CAV1: variants seen among roughly 807,000 people sequenced by gnomAD.
CAV1 encodes the protein caveolin-1.
CAV1 carries 10 observed loss-of-function variants against 16.5 expected under a neutral mutation model. That is an observed-to-expected ratio of 0.61 (90% CI 0.37 to 1.03). CAV1 has a LOEUF of 1.03. Ranked by LOEUF, CAV1 falls within the 50% of genes least tolerant of loss-of-function variation. The probability of loss-of-function intolerance (pLI) is 0.01; values close to 1 mark genes in which losing one functional copy is unlikely to be tolerated. For missense variants in CAV1, 212 were observed against 232.8 expected (o/e 0.91, Z 0.58); for synonymous variants, 76 against 85.1 (o/e 0.89, Z 0.59).
chr7:116,544,477 A>C (rs976739), intron 2 of CAV1, among the ~76,000 whole-genome samples: 125,479 of 152,054 alleles, frequency 0.83, 51,938 homozygotes, highest in East Asian at 0.95. Context: ...CACACACACT[A>C]CATTAAATAA....
intron 2 of CAV1, among the ~76,000 whole-genome samples, chr7:116,532,966 A>C (rs1171942546): frequency 6.6e-6 from 1 of 152,198 alleles, no homozygotes; most frequent in Non-Finnish European, 1.5e-5. Context: ...TATTAGGCCC[A>C]TAGGTTTATC....
chr7:116,532,750 A>T (rs1793710787), intron 2 of CAV1, among the ~76,000 whole-genome samples: 2 of 152,260 alleles, frequency 1.3e-5, no homozygotes, highest in South Asian at 4.1e-4. Flanking sequence ...CAACTTTTGT[A>T]ACTGTCTTCT....
In CAV1 at chr7:116,559,853, T is replaced by A. The variant is rs190869026; in HGVS notation, c.*566T>A. The A allele has an allele frequency of 7.5e-6, 3 of 401,590 alleles. No homozygotes were observed. The Admixed American group carries it at 1.3e-4, about 17-fold the overall frequency. The allele number at this position is 401,590 out of a possible 1,614,324, so 24.9% of individuals were successfully genotyped here. ...GAAAACATAATCTTCTGCCTTCTCATGATCCAACTAATGCCTTACTCTTCT... is the reference window on the plus strand; with the variant it reads ...GAAAACATAATCTTCTGCCTTCTCAAGATCCAACTAATGCCTTACTCTTCT... On this transcript the variant is annotated 3_prime_UTR_variant, in exon 3 of 3. Transcript: ENST00000341049.
At chr7:116,537,968 C>T (rs749797096) in intron 2 of CAV1, among the ~76,000 whole-genome samples, 18 of 152,262 alleles carry the variant, frequency 1.2e-4, no homozygotes, top group Admixed American at 2.6e-4. Flanking sequence ...AAGGTAGAAT[C>T]GCTTAAGTCT....
At chr7:116,544,028 T>C (rs1006350220) in intron 2 of CAV1, among the ~76,000 whole-genome samples, 12 of 152,174 alleles carry the variant, frequency 7.9e-5, no homozygotes, top group Non-Finnish European at 1.6e-4. Flanking sequence ...AGCCATATGA[T>C]TCTGAAGGTA....
At chr7:116,525,153 G>T in intron 1 of CAV1, 61 bp downstream of exon 1, 1 of 1,614,112 alleles carries the variant, frequency 6.2e-7, no homozygotes, top group Non-Finnish European at 8.5e-7. Flanking sequence ...TCTGCTATCT[G>T]CCTCTCCAAA....
chr7:116,529,331 T>C (rs1406284101), intron 2 of CAV1, among the ~76,000 whole-genome samples: 1 of 152,202 alleles, frequency 6.6e-6, no homozygotes, highest in African/African-American at 2.4e-5. Flanking sequence ...TAAAAGCTGC[T>C]CTGTCCAATA....
chr7:116,534,569 T>A (rs1793769109), intron 2 of CAV1, among the ~76,000 whole-genome samples: 1 of 149,644 alleles, frequency 6.7e-6, no homozygotes. Flanking sequence ...CTGGCTAATT[T>A]TTTCTATTTT....
chr7:116,531,798 A>G (rs1793691309), intron 2 of CAV1, among the ~76,000 whole-genome samples: 1 of 152,068 alleles, frequency 6.6e-6, no homozygotes, highest in Non-Finnish European at 1.5e-5. Context: ...TGTTTAGGAG[A>G]TAGCTTCACA....
intron 2 of CAV1, among the ~76,000 whole-genome samples, chr7:116,527,248 T>C (rs563422848): frequency 6.6e-6 from 1 of 152,364 alleles, no homozygotes; most frequent in Non-Finnish European, 1.5e-5. Flanking sequence ...TACTTATTCA[T>C]ATACATATGA....
chr7:116,529,533 T>C (rs977674364), intron 2 of CAV1, among the ~76,000 whole-genome samples: 1 of 152,178 alleles, frequency 6.6e-6, no homozygotes, highest in African/African-American at 2.4e-5. Flanking sequence ...GGGTGTTCTC[T>C]GCATTGTAAA....
chr7:116,526,786 A>G (rs895891998), intron 2 of CAV1, 97 bp downstream of exon 2: 53 of 1,329,048 alleles, frequency 4.0e-5, no homozygotes, highest in Middle Eastern at 3.7e-4. Context: ...CGCACACCCC[A>G]CCCCGCCCCC....
chr7:116,542,234 A>G (rs1793955679), intron 2 of CAV1, among the ~76,000 whole-genome samples: 1 of 152,182 alleles, frequency 6.6e-6, no homozygotes, highest in South Asian at 2.1e-4. Flanking sequence ...CCCTATTGTG[A>G]TAGAAACTCA....
At chr7:116,526,414 T>A in intron 1 of CAV1, 111 bp from the exon 2 acceptor site, 1 of 1,569,900 alleles carries the variant, frequency 6.4e-7, no homozygotes, top group South Asian at 1.2e-5. Context: ...AGCTCGAGGT[T>A]TCCCCCGCCG....
chr7:116,525,190 C>T (rs777262956), intron 1 of CAV1, 98 bp downstream of exon 1: 3 of 1,611,888 alleles, frequency 1.9e-6, no homozygotes, highest in Non-Finnish European at 2.5e-6. Flanking sequence ...CTGGCCCCAG[C>T]CCTCTCTCCA....
At chr7:116,554,693 C>T (rs1396979467) in intron 2 of CAV1, among the ~76,000 whole-genome samples, 6 of 152,094 alleles carry the variant, frequency 3.9e-5, no homozygotes, top group Non-Finnish European at 8.8e-5. Context: ...CATAAAAATG[C>T]AATCAGTACC....
intron 2 of CAV1, among the ~76,000 whole-genome samples, chr7:116,552,196 C>A (rs377010766): frequency 6.6e-6 from 1 of 152,118 alleles, no homozygotes; most frequent in Non-Finnish European, 1.5e-5. Flanking sequence ...TGCTGTCTAT[C>A]GCATCTAAGT....
intron 2 of CAV1, among the ~76,000 whole-genome samples, chr7:116,530,287 C>T (rs1357697667): frequency 7.1e-6 from 1 of 140,264 alleles, no homozygotes. Context: ...ATTCATGTTC[C>T]CACATATGGT....
At chr7:116,526,491 C>A (rs1395169017) in intron 1 of CAV1, 34 bp from the exon 2 acceptor site, 3 of 1,613,382 alleles carry the variant, frequency 1.9e-6, no homozygotes, top group South Asian at 2.2e-5. Flanking sequence ...TGCCGCCCTC[C>A]CCGTCCTGGC....
Sources: allele counts gnomAD v4.1 joint callset (sites outside exome capture counted in the v4.1 genomes callset), GRCh38; gene constraint gnomAD v4.1.1; transcripts MANE v1.5; gene names NCBI Gene and HGNC (gene_info 2026-07-23, HGNC 2026-07-21).